The following RBM4 variants were observed in gnomAD, a reference collection of about 807,000 sequenced individuals.
RBM4 encodes RNA binding motif protein 4.
RBM4 carries 7 observed loss-of-function variants against 29.5 expected under a neutral mutation model. The observed-to-expected ratio is 0.24, with a 90% confidence interval of 0.14 to 0.45. The LOEUF (loss-of-function observed/expected upper bound fraction) is 0.45. RBM4 is among the 20% of genes least tolerant of loss of function. The probability of loss-of-function intolerance (pLI) is 1.00; values close to 1 mark genes in which losing one functional copy is unlikely to be tolerated. For missense variants in RBM4, 387 were observed against 502.3 expected (o/e 0.77, Z 2.19); for synonymous variants, 220 against 205.4 (o/e 1.07, Z -0.61).
chr11:66,641,923 T>G (rs777637185), intron 2 of RBM4, among the ~76,000 whole-genome samples: 1 of 152,236 alleles, frequency 6.6e-6, no homozygotes, highest in Non-Finnish European at 1.5e-5. Context: ...AACCAACAGA[T>G]CCTTAGATTA....
At chr11:66,651,053 G>T (rs2135079264), downstream of RBM4, among the ~76,000 whole-genome samples, 1 of 152,172 alleles carries the variant, frequency 6.6e-6, no homozygotes, top group East Asian at 1.9e-4. Context: ...AATTGGGGTT[G>T]TTTTGGGTGA....
At chr11:66,667,448 T>C (rs1001344170) in exon 3 of RBM4, 2 of 152,132 alleles carry the variant, frequency 1.3e-5, no homozygotes, top group African/African-American at 2.4e-5. Flanking sequence ...CAAAAATTGC[T>C]GGAAGAAACA....
intron 2 of RBM4, among the ~76,000 whole-genome samples, chr11:66,641,570 CAGAAG>C (rs1200801738): frequency 1.3e-5 from 2 of 152,166 alleles, no homozygotes; most frequent in Non-Finnish European, 2.9e-5. Context: ...TCAGCCCAGT[CAGAAG>C]AGGTGGTGTC....
intron 2 of RBM4, among the ~76,000 whole-genome samples, chr11:66,659,300 TCA>T (rs1005243087): frequency 7.5e-6 from 1 of 134,084 alleles, no homozygotes; most frequent in African/African-American, 2.8e-5. Flanking sequence ...AGATGGAGTC[TCA>T]CTCTGTTGCC....
downstream of RBM4, among the ~76,000 whole-genome samples, chr11:66,651,119 ACT>A (rs1035138060): frequency 4.0e-5 from 6 of 151,784 alleles, no homozygotes; most frequent in African/African-American, 7.3e-5. Flanking sequence ...ACTAAAGTAG[ACT>A]CGGGGGGGGA....
Position 66,643,864 on chromosome 11 carries a change from T to G in RBM4, c.827T>G (p.Leu276Arg). Residue 276 changes from leucine (L) to arginine (R), a missense_variant, in exon 3 of 4, where the codon CTG becomes CGG. Leu to Arg is a moderately radical substitution (Grantham distance 102). Transcript: ENST00000310092. This position sits in a 1 kb window ranked among gnomAD's most constrained non-coding sequence, Gnocchi z 6.1. ...TCTCTCGATCCCTACGATAGACACC[T>G]GTTGCCGACCTCAGGAGCTGCTGCC... The part of the protein sequence containing the change: ...STSLDPYDRH[L>R]LPTSGAAATA... 1 of 1,613,842 alleles carries G rather than the reference T, an allele frequency of 6.2e-7. No homozygotes were observed. Among genetic ancestry groups the G allele is most frequent in the Non-Finnish European group, 8.5e-7 (1 of 1,179,980 alleles).
intron 2 of RBM4, among the ~76,000 whole-genome samples, chr11:66,655,722 A>G (rs1938937668): frequency 6.6e-6 from 1 of 152,172 alleles, no homozygotes; most frequent in African/African-American, 2.4e-5. Context: ...AACAGTAAGG[A>G]GGCCAGTGGC....
intron 2 of RBM4, among the ~76,000 whole-genome samples, chr11:66,661,496 T>A (rs960393831): frequency 6.6e-5 from 10 of 152,146 alleles, no homozygotes; most frequent in Non-Finnish European, 1.5e-4. Context: ...TGTGCCATGC[T>A]GGAAACCTGA....
intron 2 of RBM4, among the ~76,000 whole-genome samples, chr11:66,659,263 CTTTTTTTTTTTTT>C (rs767959263): frequency 3.0e-5 from 2 of 67,338 alleles, no homozygotes; most frequent in African/African-American, 1.2e-4. Context: ...CTTCTTGGTT[CTTTTTTTTTTTTT>C]TTTTTTTTTT....
At chr11:66,665,838 T>A (rs1257517252) in intron 2 of RBM4, 2 of 1,517,742 alleles carry the variant, frequency 1.3e-6, no homozygotes, top group African/African-American at 2.8e-5. Flanking sequence ...AAATACATCT[T>A]TCTTATCCAT....
chr11:66,666,889 T>C (rs1280794597), exon 3 of RBM4: 2 of 152,042 alleles, frequency 1.3e-5, no homozygotes, highest in South Asian at 2.1e-4. Context: ...AAAGAGCAAA[T>C]TGCTGTGGCT....
chr11:66,659,673 C>T (rs1246699575), intron 2 of RBM4, among the ~76,000 whole-genome samples: 8 of 152,116 alleles, frequency 5.3e-5, no homozygotes, highest in Admixed American at 5.2e-4. Flanking sequence ...TTCCTTATCC[C>T]ATTCTCTCTT....
intron 2 of RBM4, among the ~76,000 whole-genome samples, chr11:66,658,798 G>A (rs764322678): frequency 4.0e-5 from 6 of 151,886 alleles, no homozygotes; most frequent in Non-Finnish European, 8.8e-5. Context: ...TTAGCCAGGC[G>A]TGGTGGCACG....
chr11:66,644,728 T>C (rs1938617869), intron 3 of RBM4: 4 of 961,146 alleles, frequency 4.2e-6, no homozygotes, highest in Non-Finnish European at 5.0e-6. Context: ...ATGAGTTTTA[T>C]AGAACTTATT....
At chr11:66,639,547 C>A in intron 1 of RBM4, 153 bp from the exon 2 acceptor site, 1 of 981,690 alleles carries the variant, frequency 1.0e-6, no homozygotes, top group Non-Finnish European at 1.5e-6. Flanking sequence ...GGCCTTAGTT[C>A]ACTCCCACTT....
downstream of RBM4, among the ~76,000 whole-genome samples, chr11:66,647,394 C>G (rs903345298): frequency 7.2e-5 from 11 of 152,038 alleles, no homozygotes; most frequent in African/African-American, 2.2e-4. Context: ...CATAGATGAC[C>G]AAGATTTGAA....
downstream of RBM4, chr11:66,649,706 A>G (rs1234492160): frequency 2.9e-6 from 2 of 700,704 alleles, no homozygotes; most frequent in Non-Finnish European, 5.2e-6. Context: ...AGGAATAATA[A>G]AGTACTTTTT....
intron 2 of RBM4, among the ~76,000 whole-genome samples, chr11:66,664,107 A>C (rs1939146445): frequency 6.6e-6 from 1 of 151,694 alleles, no homozygotes; most frequent in African/African-American, 2.4e-5. Flanking sequence ...TCCTGGGCTC[A>C]AGAGTCTCCC....
intron 1 of RBM4, 84 bp from the exon 2 acceptor site, chr11:66,639,616 A>G (rs1480778401): frequency 1.3e-6 from 2 of 1,498,072 alleles, no homozygotes; most frequent in Non-Finnish European, 1.8e-6. Context: ...AACTGGAAAT[A>G]TACATTAGAG....
Sources: allele counts gnomAD v4.1 joint callset (sites outside exome capture counted in the v4.1 genomes callset), GRCh38; gene constraint gnomAD v4.1.1; non-coding constraint Gnocchi (gnomAD v3.1); transcripts MANE v1.5; gene names NCBI Gene and HGNC (gene_info 2026-07-23, HGNC 2026-07-21).